PRR5L: variants seen among roughly 807,000 people sequenced by gnomAD.
The protein encoded by PRR5L is proline rich 5 like, also known as proline-rich protein 5-like.
Under a neutral mutation model 36.4 loss-of-function variants are expected in PRR5L, and 21 were observed. The ratio of observed to expected loss-of-function variants is 0.58; its 90% CI spans 0.41 to 0.83. The LOEUF is 0.83. Ranked by LOEUF, PRR5L falls within the 40% of genes least tolerant of loss-of-function variation. The pLI is 0.00. For missense variants in PRR5L, 381 were observed against 473.3 expected, an observed-to-expected ratio of 0.80 and a Z score of 1.81; for synonymous variants, 188 against 197.0, an observed-to-expected ratio of 0.95 and a Z score of 0.38.
At chr11:36,455,085 G>A (rs1022453868) in intron 8 of PRR5L, among the ~76,000 whole-genome samples, 2 of 152,162 alleles carry the variant, frequency 1.3e-5, no homozygotes, top group Non-Finnish European at 2.9e-5. Context: ...AAAGGCCCTG[G>A]CCTCCCACAG....
At chr11:36,399,111 A>G (rs1475814012) in intron 1 of PRR5L, among the ~76,000 whole-genome samples, 1 of 152,048 alleles carries the variant, frequency 6.6e-6, no homozygotes, top group African/African-American at 2.4e-5. Context: ...TCATCACCTC[A>G]TTTTTTGGTT....
chr11:36,299,893 C>T (rs1294795886), intron 1 of PRR5L, among the ~76,000 whole-genome samples: 2 of 152,156 alleles, frequency 1.3e-5, no homozygotes, highest in Non-Finnish European at 2.9e-5. Context: ...ACAACAACAA[C>T]AACGACAAAC....
chr11:36,324,988 G>C (rs1223607674), intron 1 of PRR5L, among the ~76,000 whole-genome samples: 1 of 152,068 alleles, frequency 6.6e-6, no homozygotes, highest in Admixed American at 6.5e-5. Context: ...GTTACCAGGG[G>C]TCCTTGCTCC....
chr11:36,373,366 G>A (rs1352480171), intron 1 of PRR5L, among the ~76,000 whole-genome samples: 1 of 152,104 alleles, frequency 6.6e-6, no homozygotes, highest in Admixed American at 6.5e-5. Flanking sequence ...GAATTTGGCT[G>A]GTGACAAGCA....
chr11:36,443,182 C>T (rs999355085), intron 6 of PRR5L, among the ~76,000 whole-genome samples: 20 of 152,286 alleles, frequency 1.3e-4, no homozygotes, highest in Middle Eastern at 3.4e-3. Flanking sequence ...AGCTTATAAC[C>T]GTGGCAGAAA....
At chr11:36,380,839 GATA>G (rs1165986236) in intron 1 of PRR5L, among the ~76,000 whole-genome samples, 1 of 152,110 alleles carries the variant, frequency 6.6e-6, no homozygotes, top group Non-Finnish European at 1.5e-5. Flanking sequence ...TCTGGAGCAG[GATA>G]ATAAATGACA....
intron 3 of PRR5L, among the ~76,000 whole-genome samples, chr11:36,405,598 TAAATA>T (rs747802106): frequency 2.6e-5 from 4 of 152,270 alleles, no homozygotes; most frequent in South Asian, 4.1e-4. Context: ...TTAGAGAAAT[TAAATA>T]AAAGTCACAC....
intron 1 of PRR5L, among the ~76,000 whole-genome samples, chr11:36,383,625 C>G (rs1565432033): frequency 6.6e-6 from 1 of 152,052 alleles, no homozygotes; most frequent in Non-Finnish European, 1.5e-5. Flanking sequence ...TTCACGTTCT[C>G]TGCTTCGGTC....
chr11:36,363,666 G>A (rs1857116438), intron 1 of PRR5L, among the ~76,000 whole-genome samples: 1 of 152,208 alleles, frequency 6.6e-6, no homozygotes, highest in South Asian at 2.1e-4. Context: ...ACTGATTTCT[G>A]CTAAGCTCAC....
At chr11:36,342,157 C>G (rs1209053326) in intron 1 of PRR5L, among the ~76,000 whole-genome samples, 1 of 152,192 alleles carries the variant, frequency 6.6e-6, no homozygotes, top group Non-Finnish European at 1.5e-5. Context: ...ATGTCCTACT[C>G]CGCACTCCAT....
intron 1 of PRR5L, among the ~76,000 whole-genome samples, chr11:36,362,828 G>GT (rs1857105212): frequency 6.6e-6 from 1 of 152,116 alleles, no homozygotes; most frequent in African/African-American, 2.4e-5. Flanking sequence ...ACTGATCACT[G>GT]TAACAAGAGG....
intron 3 of PRR5L, among the ~76,000 whole-genome samples, chr11:36,404,199 G>A (rs1372594311): frequency 1.3e-5 from 2 of 151,918 alleles, no homozygotes; most frequent in South Asian, 2.1e-4. Context: ...TTGGTGAAAT[G>A]AGAGCAGCAA....
At chr11:36,459,132 C>T (rs111421453) in intron 8 of PRR5L, among the ~76,000 whole-genome samples, 3,545 of 152,278 alleles carry the variant, frequency 0.023, 137 homozygotes, top group African/African-American at 0.081. Flanking sequence ...CAGGCCAGAC[C>T]GGTTGCAGTG....
chr11:36,378,293 C>T (rs1223291202), intron 1 of PRR5L, among the ~76,000 whole-genome samples: 1 of 152,174 alleles, frequency 6.6e-6, no homozygotes, highest in Non-Finnish European at 1.5e-5. Flanking sequence ...TGCAGGGCTC[C>T]TGTCTGTGGA....
chr11:36,304,281 T>G (rs1856407132), intron 1 of PRR5L, among the ~76,000 whole-genome samples: 1 of 152,250 alleles, frequency 6.6e-6, no homozygotes, highest in African/African-American at 2.4e-5. Context: ...CATTCCTCTG[T>G]CTCAAGGAAT....
chr11:36,454,692 G>A (rs1859014349), intron 8 of PRR5L: 1 of 152,318 alleles, frequency 6.6e-6, no homozygotes, highest in Non-Finnish European at 1.5e-5. Context: ...CGCAGGGTAG[G>A]TGACCAGAGC....
In PRR5L at chr11:36,394,958, T is replaced by C. The variant is rs758317876; in HGVS notation, c.-125-6039T>C. Reference sequence around the variant, plus strand: ...CCCCAGAGCTCTGAGTGATACACATTTGTGGCTGTACATCCTTCAGAGCTA... The same window carrying C: ...CCCCAGAGCTCTGAGTGATACACATCTGTGGCTGTACATCCTTCAGAGCTA... On this transcript the variant is annotated intron_variant, in intron 1 of 8. Coordinates refer to ENST00000530639, the MANE Select transcript of PRR5L (RefSeq NM_001160167.2). Among the ~76,000 whole-genome samples the C allele has an allele frequency of 2.6e-5, 4 of 152,302 alleles. No individual in the cohort carries two copies. In the East Asian group the frequency reaches 7.7e-4, roughly 29 times the overall value.
At chr11:36,330,675 A>G (rs1463867089) in intron 1 of PRR5L, among the ~76,000 whole-genome samples, 2 of 152,250 alleles carry the variant, frequency 1.3e-5, no homozygotes, top group African/African-American at 2.4e-5. Flanking sequence ...AGAGTTCATT[A>G]TAATGTAATT....
intron 1 of PRR5L, among the ~76,000 whole-genome samples, chr11:36,375,840 T>C (rs138688420): frequency 1.3e-5 from 2 of 152,320 alleles, no homozygotes; most frequent in East Asian, 3.9e-4. Flanking sequence ...TTAAAAGAAT[T>C]TGCAAACAAG....
Sources: gnomAD v4.1 joint callset for allele counts (sites outside exome capture counted in the v4.1 genomes callset) on GRCh38, gnomAD v4.1.1 for gene constraint, MANE v1.5 for transcripts, NCBI Gene and HGNC (gene_info 2026-07-23, HGNC 2026-07-21) for gene names.